Variants in ERLEC1 observed in about 807,000 individuals in gnomAD.
The protein encoded by ERLEC1 is ER lectin.
ERLEC1 carries 47 observed loss-of-function variants against 68.0 expected under a neutral mutation model. The ratio of observed to expected loss-of-function variants is 0.69; its 90% CI spans 0.55 to 0.88. The LOEUF is 0.88. ERLEC1 is among the 40% of genes least tolerant of loss of function. ERLEC1 has a pLI of 0.00. For synonymous variants in ERLEC1, 225 were observed against 203.2 expected, an observed-to-expected ratio of 1.11 and a Z score of -0.91; for missense variants, 567 against 583.8, an observed-to-expected ratio of 0.97 and a Z score of 0.30.
chr2:53,811,790 A>C (rs1242310071), intron 10 of ERLEC1, among the ~76,000 whole-genome samples: 1 of 152,124 alleles, frequency 6.6e-6, no homozygotes, highest in East Asian at 1.9e-4. Flanking sequence ...TTGCTGCTCT[A>C]ATTTCTGCCT....
intron 8 of ERLEC1, among the ~76,000 whole-genome samples, chr2:53,807,823 G>A (rs930030496): frequency 1.3e-5 from 2 of 151,802 alleles, no homozygotes. Context: ...GGCCAACATG[G>A]TGAAAGCCCA....
chr2:53,794,601 T>C, intron 2 of ERLEC1, 152 bp downstream of exon 2: 1 of 499,050 alleles, frequency 2.0e-6, no homozygotes, highest in Non-Finnish European at 3.6e-6. Context: ...ATCCCTGAAT[T>C]CTTTGATTTT....
At chr2:53,792,682 A>G (rs555985440) in intron 1 of ERLEC1, among the ~76,000 whole-genome samples, 2 of 152,250 alleles carry the variant, frequency 1.3e-5, no homozygotes, top group Non-Finnish European at 1.5e-5. Flanking sequence ...TTTTGTGTTT[A>G]GGATTACAGT....
chr2:53,805,515 G>A (rs2104316442), intron 8 of ERLEC1, among the ~76,000 whole-genome samples: 1 of 152,228 alleles, frequency 6.6e-6, no homozygotes, highest in East Asian at 1.9e-4. Context: ...ACTGCAGCTG[G>A]ACGACCCTAC....
intron 8 of ERLEC1, among the ~76,000 whole-genome samples, chr2:53,805,235 C>G (rs543975842): frequency 5.9e-5 from 9 of 151,864 alleles, no homozygotes; most frequent in Non-Finnish European, 1.3e-4. Flanking sequence ...CTTGGGCAAG[C>G]TGGTCTCGAA....
chr2:53,788,039 G>A (rs147495489), intron 1 of ERLEC1, among the ~76,000 whole-genome samples: 1,860 of 152,154 alleles, frequency 0.012, 37 homozygotes, highest in African/African-American at 0.04. Flanking sequence ...TTGTAACCTC[G>A]CGGAAATGAA....
At chr2:53,805,767 A>G (rs1676263343) in intron 8 of ERLEC1, among the ~76,000 whole-genome samples, 2 of 152,230 alleles carry the variant, frequency 1.3e-5, no homozygotes, top group Middle Eastern at 3.2e-3. Flanking sequence ...TCCCACCAAC[A>G]GTATACAAGG....
intron 10 of ERLEC1, among the ~76,000 whole-genome samples, chr2:53,809,830 C>A (rs983102612): frequency 6.6e-6 from 1 of 151,914 alleles, no homozygotes; most frequent in African/African-American, 2.4e-5. Context: ...CCAAGGTGGG[C>A]GGATCACCTG....
chr2:53,808,314 A>C lies in ERLEC1; in HGVS notation c.895A>C (p.Thr299Pro). The C allele has an allele frequency of 1.9e-6, 3 of 1,613,760 alleles. No homozygotes were observed. Among genetic ancestry groups the C allele is most frequent in the Non-Finnish European group, 2.5e-6 (3 of 1,179,952 alleles). Reference protein sequence around the residue: ...RRNKEEDLQSTKEERFPAIHK... With the variant: ...RRNKEEDLQSPKEERFPAIHK... ...TTAATTTTAGGAAGATTTGCAATCAACTAAAGAAGAGAGATTTCCAGCGAT... is the reference window on the plus strand; with the variant it reads ...TTAATTTTAGGAAGATTTGCAATCACCTAAAGAAGAGAGATTTCCAGCGAT... The change falls in exon 9 of 14, where the codon ACT (threonine) becomes CCT (proline). Residue 299 changes from threonine to proline, a missense_variant. By Grantham distance (38) the Thr-to-Pro change is conservative. Coordinates refer to ENST00000185150, the MANE Select transcript of ERLEC1 (RefSeq NM_015701.5).
At chr2:53,789,407 A>T (rs950283940) in intron 1 of ERLEC1, among the ~76,000 whole-genome samples, 2 of 151,810 alleles carry the variant, frequency 1.3e-5, no homozygotes, top group Non-Finnish European at 2.9e-5. Flanking sequence ...AAAAAAAAAA[A>T]AAAAAAAAAT....
intron 6 of ERLEC1, among the ~76,000 whole-genome samples, chr2:53,799,626 C>CT (rs1489651882): frequency 1.3e-5 from 2 of 152,054 alleles, no homozygotes; most frequent in Non-Finnish European, 2.9e-5. Context: ...CTCAGGAAAT[C>CT]TAATCACAAT....
intron 1 of ERLEC1, among the ~76,000 whole-genome samples, chr2:53,788,288 G>T (rs1282754182): frequency 6.6e-6 from 1 of 152,166 alleles, no homozygotes; most frequent in Non-Finnish European, 1.5e-5. Context: ...AACAGTAAGT[G>T]ACACTATGAT....
chr2:53,789,426 T>C (rs1301131502), intron 1 of ERLEC1, among the ~76,000 whole-genome samples: 1 of 151,640 alleles, frequency 6.6e-6, no homozygotes, highest in African/African-American at 2.4e-5. Context: ...ATTCTTTTTT[T>C]AGAAGCTGGA....
chr2:53,808,344 A>C lies in ERLEC1; in HGVS notation c.925A>C (p.Lys309Gln), dbSNP rs754618195. 9 of 1,614,176 alleles carry C rather than the reference A, an allele frequency of 5.6e-6. No homozygotes were observed. Among genetic ancestry groups the C allele is most frequent in the Non-Finnish European group, 6.8e-6 (8 of 1,180,006 alleles). ...AGAAGAGAGATTTCCAGCGATCCAC[A>C]AGTCGATTGCTATTGGCTCTCAGCC... ...TKEERFPAIHKSIAIGSQPVL... is the reference protein window; with the variant it reads ...TKEERFPAIHQSIAIGSQPVL... Residue 309 changes from lysine to glutamine, a missense_variant, in exon 9 of 14, where the codon AAG (lysine) becomes CAG (glutamine). Transcript: ENST00000185150.
At chr2:53,814,429 T>C (rs1473041958) in intron 11 of ERLEC1, 114 bp from the exon 12 acceptor site, 4 of 586,146 alleles carry the variant, frequency 6.8e-6, no homozygotes, top group African/African-American at 5.6e-5. Flanking sequence ...TAGTCAGGTT[T>C]TTTTTTAACT....
chr2:53,795,350 T>C (rs183770654), intron 2 of ERLEC1, among the ~76,000 whole-genome samples: 90 of 152,320 alleles, frequency 5.9e-4, no homozygotes, highest in African/African-American at 2.1e-3. Flanking sequence ...TTCAGTAATA[T>C]TTTCATGATC....
rs1449256138 is a variant in ERLEC1 at position 53,805,023 on chromosome 2, C to G, written c.879+3181C>G. Among the ~76,000 whole-genome samples the G allele has an allele frequency of 4.6e-5, 5 of 108,370 alleles. No individual in the cohort carries two copies. In the South Asian group the frequency reaches 1.6e-3, roughly 35 times the overall value. The allele number at this position is 108,370 out of a possible 152,430, so 71.1% of individuals were successfully genotyped here. Reference sequence around the variant, plus strand: ...TTTTTTTTTTTTTTTGAGATGGAGTCTCACTCTGTTGCCCAGGCTGGAGTG... The same window carrying G: ...TTTTTTTTTTTTTTTGAGATGGAGTGTCACTCTGTTGCCCAGGCTGGAGTG... On this transcript the variant is annotated intron_variant, in intron 8 of 13. Transcript: ENST00000185150.
At chr2:53,815,113 C>G (rs1185371206) in intron 13 of ERLEC1, among the ~76,000 whole-genome samples, 178 bp downstream of exon 13, 1 of 143,628 alleles carries the variant, frequency 7.0e-6, no homozygotes, top group Non-Finnish European at 1.5e-5. Flanking sequence ...TCAAGCAATT[C>G]TTCTGCCTCA....
rs370895718 is a variant in ERLEC1, at chr2:53,814,929, T to C, written c.1374T>C (p.Ile458=). ...TAGAGCCTCACTCCTGTCAATATATTCTTGGGGTAAGTTAAAAAGAAAATA... is the reference window on the plus strand; with the variant it reads ...TAGAGCCTCACTCCTGTCAATATATCCTTGGGGTAAGTTAAAAAGAAAATA... ...YMLEPHSCQY[I]LGVESPVICK... is the part of the protein sequence containing the mutation. Residue 458 remains isoleucine (I), a synonymous_variant, in exon 13 of 14, where the codon ATT becomes ATC. Transcript: ENST00000185150. 6.4e-5 allele frequency: 101 copies of C among 1,576,336 alleles called. No homozygotes were observed. The highest frequency in any genetic ancestry group is 8.3e-5 in the Non-Finnish European group (96 of 1,152,186).
Sources: gnomAD v4.1 joint callset for allele counts (sites outside exome capture counted in the v4.1 genomes callset) on GRCh38, gnomAD v4.1.1 for gene constraint, MANE v1.5 for transcripts, NCBI Gene and HGNC (gene_info 2026-07-23, HGNC 2026-07-21) for gene names.